GRIK3: variants seen among roughly 807,000 people sequenced by gnomAD.
GRIK3 encodes the protein glutamate receptor ionotropic, kainate 3.
In GRIK3, 29 loss-of-function variants were observed where a neutral mutation model predicts 102.5. That is an observed-to-expected ratio of 0.28 (90% CI 0.21 to 0.39). The LOEUF is 0.39. Among genes scored for constraint, GRIK3 ranks in the 10% least tolerant of loss-of-function variants. The pLI is 1.00. For missense variants in GRIK3, 908 were observed against 1,252.4 expected, an observed-to-expected ratio of 0.73 and a Z score of 4.15; for synonymous variants, 511 against 504.9, an observed-to-expected ratio of 1.01 and a Z score of -0.16.
intron 1 of GRIK3, among the ~76,000 whole-genome samples, chr1:36,892,949 A>T (rs1463044270): frequency 6.6e-6 from 1 of 152,230 alleles, no homozygotes; most frequent in Admixed American, 6.5e-5. Flanking sequence ...ATTATTCATT[A>T]ACTGTGCTGT....
At chr1:36,915,179 C>G (rs1242721732) in intron 1 of GRIK3, among the ~76,000 whole-genome samples, 2 of 152,180 alleles carry the variant, frequency 1.3e-5, no homozygotes, top group African/African-American at 4.8e-5. Flanking sequence ...GTAGGGGAGA[C>G]CTCTGCCACT....
chr1:36,947,084 G>C (rs1641792456), intron 1 of GRIK3, among the ~76,000 whole-genome samples: 1 of 152,112 alleles, frequency 6.6e-6, no homozygotes, highest in Admixed American at 6.5e-5. Flanking sequence ...TGGGGGAAGG[G>C]AGAGAGGAGG....
At chr1:36,935,055 G>A (rs1641640379) in intron 1 of GRIK3, among the ~76,000 whole-genome samples, 2 of 152,180 alleles carry the variant, frequency 1.3e-5, no homozygotes, top group African/African-American at 4.8e-5. Context: ...GGATGTAAAA[G>A]GAGTAGGAGA....
chr1:36,860,091 C>G lies in GRIK3; in HGVS notation c.787-74G>C, dbSNP rs1570765371. ...ACTCCAGCCCCGCCTCCTACCCACT[C>G]CCTAATCAGGGCCGCCCCAGGGCCT... On this transcript the variant is annotated intron_variant, in intron 5 of 15. Coordinates refer to ENST00000373091, the MANE Select transcript of GRIK3 (RefSeq NM_000831.4). 4 of 1,248,690 alleles carry G rather than the reference C, an allele frequency of 3.2e-6. No individual in the cohort carries two copies. In the East Asian group the frequency reaches 9.6e-5, roughly 30 times the overall value. The allele number at this position is 1,248,690 out of a possible 1,614,324, so 77.4% of individuals were successfully genotyped here.
intron 1 of GRIK3, among the ~76,000 whole-genome samples, chr1:36,952,712 T>A (rs766717518): frequency 1.3e-5 from 2 of 152,120 alleles, no homozygotes; most frequent in Non-Finnish European, 2.9e-5. Flanking sequence ...AGCATATGAA[T>A]GAATGAATGA....
intron 5 of GRIK3, among the ~76,000 whole-genome samples, chr1:36,869,118 A>T (rs1429548919): frequency 6.6e-6 from 1 of 152,208 alleles, no homozygotes; most frequent in Non-Finnish European, 1.5e-5. Flanking sequence ...GAATCTCTTT[A>T]TTCTGCTGAA....
intron 14 of GRIK3, among the ~76,000 whole-genome samples, 168 bp downstream of exon 14, chr1:36,805,936 C>CAAAAAAAAA (rs749853809): frequency 3.5e-4 from 11 of 31,558 alleles, no homozygotes; most frequent in South Asian, 1.2e-3. Flanking sequence ...AACTCCACCT[C>CAAAAAAAAA]AAAAAAAAAA....
At chr1:36,982,941 T>C (rs1642265384) in intron 1 of GRIK3, among the ~76,000 whole-genome samples, 2 of 152,040 alleles carry the variant, frequency 1.3e-5, no homozygotes, top group Non-Finnish European at 2.9e-5. Context: ...CCCGATCATC[T>C]CCGCGGACAA....
intron 1 of GRIK3, among the ~76,000 whole-genome samples, chr1:36,905,947 G>T (rs1641279898): frequency 6.6e-6 from 1 of 152,222 alleles, no homozygotes; most frequent in African/African-American, 2.4e-5. Context: ...GACCTTGGCA[G>T]GTGGGGAGGA....
chr1:36,988,628 G>A (rs1305616158), intron 1 of GRIK3, among the ~76,000 whole-genome samples: 1 of 152,248 alleles, frequency 6.6e-6, no homozygotes, highest in African/African-American at 2.4e-5. Flanking sequence ...AAAGTGCCGA[G>A]TCACAGAAAA....
At chr1:36,884,147 A>C (rs1424395315) in intron 2 of GRIK3, among the ~76,000 whole-genome samples, 1 of 152,192 alleles carries the variant, frequency 6.6e-6, no homozygotes, top group African/African-American at 2.4e-5. Flanking sequence ...GGGGCATGGC[A>C]TCCTCCTGGT....
chr1:36,952,279 C>A (rs1231027145), intron 1 of GRIK3, among the ~76,000 whole-genome samples: 1 of 152,218 alleles, frequency 6.6e-6, no homozygotes, highest in African/African-American at 2.4e-5. Context: ...CTCCTCCTGA[C>A]CACTGTCTTC....
intron 1 of GRIK3, among the ~76,000 whole-genome samples, chr1:36,982,036 C>T (rs558266681): frequency 2.1e-4 from 32 of 152,290 alleles, no homozygotes; most frequent in South Asian, 1.9e-3. Flanking sequence ...AGGCACCCAG[C>T]GCTGCTCCCA....
chr1:36,836,204 G>A (rs1029970620), intron 10 of GRIK3, among the ~76,000 whole-genome samples: 14 of 152,228 alleles, frequency 9.2e-5, no homozygotes, highest in Non-Finnish European at 1.5e-5. Context: ...ACCCATGCAT[G>A]CGGGCCAGAA....
At chr1:36,853,225 T>A (rs1226172637) in intron 8 of GRIK3, among the ~76,000 whole-genome samples, 1 of 152,224 alleles carries the variant, frequency 6.6e-6, no homozygotes. Flanking sequence ...AGGTTTTATG[T>A]TTTTTATATT....
At chr1:36,920,737 C>T (rs1641457703) in intron 1 of GRIK3, among the ~76,000 whole-genome samples, 1 of 152,214 alleles carries the variant, frequency 6.6e-6, no homozygotes, top group Admixed American at 6.5e-5. Context: ...TGTGGAGGCC[C>T]CAGTGCCATT....
chr1:37,007,095 C>A (rs528290284), intron 1 of GRIK3, among the ~76,000 whole-genome samples: 44 of 152,270 alleles, frequency 2.9e-4, no homozygotes, highest in Admixed American at 1.4e-3. Context: ...GAGGCCACTC[C>A]TAGGGGGCAC....
chr1:37,020,862 T>A (rs1255972047), intron 1 of GRIK3, among the ~76,000 whole-genome samples: 1 of 152,208 alleles, frequency 6.6e-6, no homozygotes, highest in Non-Finnish European at 1.5e-5. Flanking sequence ...CGGCCCTGGC[T>A]GCTCTCCGTG....
chr1:36,841,596 C>T (rs972800882), intron 10 of GRIK3, 140 bp downstream of exon 10: 4 of 720,188 alleles, frequency 5.6e-6, no homozygotes, highest in Admixed American at 4.5e-5. Flanking sequence ...CCCCCCAGTC[C>T]TCAAGGTTGC....
Sources: allele counts gnomAD v4.1 joint callset (sites outside exome capture counted in the v4.1 genomes callset), GRCh38; gene constraint gnomAD v4.1.1; transcripts MANE v1.5; gene names NCBI Gene and HGNC (gene_info 2026-07-23, HGNC 2026-07-21).